The following PLA2G4D variants were observed in gnomAD, a reference collection of about 807,000 sequenced individuals.
PLA2G4D encodes phospholipase A2 group IVD, also known as cytosolic phospholipase A2 delta.
A neutral mutation model predicts 94.4 loss-of-function variants in PLA2G4D; 80 were observed. The observed-to-expected ratio is 0.85, with a 90% confidence interval of 0.71 to 1.02. The LOEUF (loss-of-function observed/expected upper bound fraction) is 1.02. Ranked by LOEUF, PLA2G4D falls within the 50% of genes least tolerant of loss-of-function variation. The probability of loss-of-function intolerance (pLI) is 0.00; values close to 1 mark genes in which losing one functional copy is unlikely to be tolerated. For missense variants in PLA2G4D, 1,050 were observed against 1,034.7 expected (o/e 1.01, Z -0.20); for synonymous variants, 438 against 440.9 (o/e 0.99, Z 0.08).
Position 42,070,079 on chromosome 15 carries a change from T to G in PLA2G4D, c.2060A>C (p.Glu687Ala). 1 of 1,516,228 alleles carries G rather than the reference T, an allele frequency of 6.6e-7. No individual in the cohort carries two copies. The highest frequency in any genetic ancestry group is 8.8e-7 in the Non-Finnish European group (1 of 1,132,990). The allele number at this position is 1,516,228 out of a possible 1,614,324, so 93.9% of individuals were successfully genotyped here. Reference sequence around the variant, plus strand: ...CAGCCCCCGGGCCCGGCAGTACAGCTCCGTCTGCTGCAGTGCCTGGTGGGG... The same window carrying G: ...CAGCCCCCGGGCCCGGCAGTACAGCGCCGTCTGCTGCAGTGCCTGGTGGGG... ...SAPFEALQQT[E>A]LYCRARGLPF... The change falls in exon 19 of 20, where the codon GAG becomes GCG. Residue 687 changes from glutamate to alanine, a missense_variant. Coordinates refer to ENST00000290472, the MANE Select transcript of PLA2G4D (RefSeq NM_178034.4).
intron 15 of PLA2G4D, 39 bp downstream of exon 15, chr15:42,071,735 C>T (rs1181849575): frequency 1.2e-6 from 2 of 1,607,596 alleles, no homozygotes; most frequent in South Asian, 2.2e-5. Flanking sequence ...AGACACCTGG[C>T]CCAGGGCTGC....
At chr15:42,076,596 C>T (rs1378990893) in intron 13 of PLA2G4D, among the ~76,000 whole-genome samples, 1 of 151,936 alleles carries the variant, frequency 6.6e-6, no homozygotes, top group African/African-American at 2.4e-5. Flanking sequence ...AGAGGAAGCC[C>T]AAATGATAAA....
chr15:42,085,064 G>A (rs1480491972), intron 6 of PLA2G4D, 32 bp downstream of exon 6: 2 of 1,613,328 alleles, frequency 1.2e-6, no homozygotes, highest in African/African-American at 2.7e-5. Flanking sequence ...CTGCTCTGGG[G>A]CCCCTCCCCT....
intron 8 of PLA2G4D, 43 bp downstream of exon 8, chr15:42,083,155 C>A: frequency 6.3e-7 from 1 of 1,591,120 alleles, no homozygotes; most frequent in Non-Finnish European, 8.6e-7. Flanking sequence ...GCTGGAGCTG[C>A]CCAAGCCTAG....
chr15:42,072,494 G>A (rs938448402), intron 13 of PLA2G4D, 102 bp from the exon 14 acceptor site: 37 of 882,984 alleles, frequency 4.2e-5, no homozygotes, highest in Non-Finnish European at 6.5e-5. Context: ...CTGGGGGTGA[G>A]GAGGCAGCTC....
intron 4 of PLA2G4D, 73 bp from the exon 5 acceptor site, chr15:42,085,604 G>A: frequency 1.4e-6 from 2 of 1,467,020 alleles, no homozygotes; most frequent in Non-Finnish European, 9.6e-7. Flanking sequence ...TCTTTTACAG[G>A]TGTCATCTCA....
Position 42,086,474 on chromosome 15 carries a change from TAAA to T in PLA2G4D, c.256-133_256-131del, listed in dbSNP as rs148178869. On this transcript the variant is annotated intron_variant, in intron 3 of 19. Coordinates refer to ENST00000290472, the MANE Select transcript of PLA2G4D (RefSeq NM_178034.4). ...GCCACCACACGTCTGCGCTTCAAAA[TAAA>T]AAAAAAAACTGTAAAACTTAAATAT... 22 of 671,070 alleles carry T rather than the reference TAAA, an allele frequency of 3.3e-5. No individual in the cohort carries two copies. The East Asian group carries it at 5.4e-4, about 16-fold the overall frequency. The allele number at this position is 671,070 out of a possible 1,614,324, so 41.6% of individuals were successfully genotyped here.
At chr15:42,087,594 T>A in intron 2 of PLA2G4D, 34 bp downstream of exon 2, 1 of 1,613,272 alleles carries the variant, frequency 6.2e-7, no homozygotes, top group Non-Finnish European at 8.5e-7. Flanking sequence ...TGGTCCTCCC[T>A]GCTCCCGACA....
In PLA2G4D at chr15:42,071,188, T is replaced by C. The variant is rs372910107; in HGVS notation, c.1811A>G (p.Asn604Ser). The change falls in exon 17 of 20, where the codon AAC becomes AGC. Residue 604 changes from asparagine to serine, a missense_variant. Physicochemically the swap from Asn to Ser is conservative, Grantham distance 46. Coordinates refer to ENST00000290472, the MANE Select transcript of PLA2G4D (RefSeq NM_178034.4). Reference protein sequence around the residue: ...TGRPLHQRSPNFLQGLQLHQD... With the variant: ...TGRPLHQRSPSFLQGLQLHQD... The stretch of plus-strand genomic sequence containing the variant: ...GTGCAGCTGGAGGCCCTGGAGGAAG[T>C]TGGGGCTGCGCTGGTGGAGGGGCCT... The C allele has an allele frequency of 5.0e-6, 8 of 1,613,548 alleles. No homozygotes were observed. Among genetic ancestry groups the C allele is most frequent in the Non-Finnish European group, 6.8e-6 (8 of 1,179,804 alleles).
rs141318108 is a variant in PLA2G4D, at chr15:42,067,400, G to T, written c.*1315C>A. On this transcript the variant is annotated 3_prime_UTR_variant, in exon 20 of 20. Coordinates refer to ENST00000290472, the MANE Select transcript of PLA2G4D (RefSeq NM_178034.4). Reference sequence around the variant, plus strand: ...AAAACCATTTTTTTAATTTAGCCAAGTATGGTGTTACATGCCTGTAGTCCC... The same window carrying T: ...AAAACCATTTTTTTAATTTAGCCAATTATGGTGTTACATGCCTGTAGTCCC... The T allele has an allele frequency of 1.0e-3, 152 of 152,240 alleles. No individual in the cohort carries two copies. Among genetic ancestry groups the T allele is most frequent in the African/African-American group, 3.5e-3 (145 of 41,526 alleles). The allele number at this position is 152,240 out of a possible 1,614,324, so 9.4% of individuals were successfully genotyped here.
chr15:42,085,749 C>G (rs140310787), intron 4 of PLA2G4D, among the ~76,000 whole-genome samples: 1 of 152,382 alleles, frequency 6.6e-6, no homozygotes, highest in Non-Finnish European at 1.5e-5. Context: ...GAGAACAGGT[C>G]TCCCTCCCTT....
At chr15:42,076,491 C>T (rs181921681) in intron 13 of PLA2G4D, among the ~76,000 whole-genome samples, 1 of 152,034 alleles carries the variant, frequency 6.6e-6, no homozygotes, top group Admixed American at 6.5e-5. Context: ...GGTAAGGATT[C>T]ACATCGAGAA....
intron 5 of PLA2G4D, 80 bp downstream of exon 5, chr15:42,085,411 C>T: frequency 1.3e-6 from 2 of 1,512,200 alleles, no homozygotes; most frequent in Admixed American, 1.7e-5. Context: ...GCTGGACTGA[C>T]CACAGGGAGA....
intron 19 of PLA2G4D, 96 bp from the exon 20 acceptor site, chr15:42,069,037 C>CTA (rs1889747001): frequency 9.7e-7 from 1 of 1,032,320 alleles, no homozygotes; most frequent in African/African-American, 1.6e-5. Flanking sequence ...TGGAGGGGCC[C>CTA]CTGCTTTCCT....
At chr15:42,070,573 G>A in intron 18 of PLA2G4D, 144 bp downstream of exon 18, 1 of 1,067,310 alleles carries the variant, frequency 9.4e-7, no homozygotes, top group Non-Finnish European at 1.3e-6. Context: ...AAGGACCCTG[G>A]CAGGAGCCAG....
intron 13 of PLA2G4D, among the ~76,000 whole-genome samples, chr15:42,077,915 G>A (rs1443789260): frequency 6.6e-6 from 1 of 152,238 alleles, no homozygotes. Flanking sequence ...TTGGAGACTG[G>A]CTGAAACAGG....
Position 42,069,946 on chromosome 15 carries a change from C to G in PLA2G4D, c.2193G>C (p.Pro731=), listed in dbSNP as rs773474954. ...GGTCCTTGAAGGAGGCATTGACCAG[C>G]GGGAAGTGCAGCAGGATCGGGGCCT... ...CPEAPILLHF[P]LVNASFKDHS... is the part of the protein sequence containing the mutation. Residue 731 remains proline (P), a synonymous_variant, in exon 19 of 20, where the codon CCG becomes CCC. Transcript: ENST00000290472. 137 of 1,448,968 alleles carry G rather than the reference C, an allele frequency of 9.5e-5. 3 individuals carry two copies. The South Asian group carries it at 1.9e-3, about 20-fold the overall frequency. 89.8% of individuals were successfully genotyped at this position (1,448,968 alleles called of 1,614,324 possible).
At chr15:42,082,964 T>C (rs531647115) in intron 8 of PLA2G4D, among the ~76,000 whole-genome samples, 11 of 152,204 alleles carry the variant, frequency 7.2e-5, no homozygotes, top group African/African-American at 2.6e-4. Flanking sequence ...ATTCTAAGGG[T>C]ATCACTGGAG....
rs764244132 is a variant in PLA2G4D, at chr15:42,068,881, C to A, written c.2291G>T (p.Cys764Phe). ...GGTCATGTTGGACAGGGTGTAGGGG[C>A]AGGTGGCCCCGGTGAGATCCACTTG... is the stretch of plus-strand genomic sequence containing the variant. ...GGQVDLTGAT[C>F]PYTLSNMTYK... The change falls in exon 20 of 20, where the codon TGC becomes TTC. Residue 764 changes from cysteine (C) to phenylalanine (F), a missense_variant. Coordinates refer to ENST00000290472, the MANE Select transcript of PLA2G4D (RefSeq NM_178034.4). 3 of 1,613,108 alleles carry A rather than the reference C, an allele frequency of 1.9e-6. No homozygotes were observed. Among genetic ancestry groups the A allele is most frequent in the African/African-American group, 2.7e-5 (2 of 74,812 alleles).
Sources: gnomAD v4.1 joint callset for allele counts (sites outside exome capture counted in the v4.1 genomes callset) on GRCh38, gnomAD v4.1.1 for gene constraint, MANE v1.5 for transcripts, NCBI Gene and HGNC (gene_info 2026-07-23, HGNC 2026-07-21) for gene names.